The following APOLD1 variants were observed in gnomAD, a reference collection of about 807,000 sequenced individuals.
APOLD1 encodes apolipoprotein L domain containing 1.
In APOLD1, 22 loss-of-function variants were observed where a neutral mutation model predicts 15.3. The ratio of observed to expected loss-of-function variants is 1.44; its 90% confidence interval spans 1.03 to 2.05. APOLD1 has a LOEUF of 2.05. Among genes scored for constraint, APOLD1 ranks in the 30% most tolerant of loss-of-function variants. The probability of loss-of-function intolerance (pLI) is 0.00; values close to 1 mark genes in which losing one functional copy is unlikely to be tolerated. For synonymous variants in APOLD1, 190 were observed against 167.4 expected (o/e 1.13, Z -1.04); for missense variants, 394 against 353.5 (o/e 1.11, Z -0.92).
chr12:12,774,985 C>G (rs762893128), intron 1 of APOLD1, among the ~76,000 whole-genome samples: 41 of 152,268 alleles, frequency 2.7e-4, no homozygotes, highest in Non-Finnish European at 5.1e-4. Flanking sequence ...TATGTCCACA[C>G]AAAAAGCTAC....
chr12:12,728,665 CAAAAAAAAA>C (rs58877184), intron 1 of APOLD1, among the ~76,000 whole-genome samples: 1,407 of 62,814 alleles, frequency 0.022, 33 homozygotes, highest in African/African-American at 0.11. Flanking sequence ...GACCCTGTCT[CAAAAAAAAA>C]AAAAAAAAAA....
At chr12:12,785,588 G>A, upstream of APOLD1, 1 of 1,609,630 alleles carries the variant, frequency 6.2e-7, no homozygotes. Flanking sequence ...TTCTCAGAAT[G>A]AGACAAGGCT....
At chr12:12,762,780 G>T (rs755180742) in intron 1 of APOLD1, among the ~76,000 whole-genome samples, 14 of 152,220 alleles carry the variant, frequency 9.2e-5, no homozygotes, top group Non-Finnish European at 2.1e-4. Context: ...CCACTGGCCA[G>T]AGAGAAAGGA....
chr12:12,744,256 C>G (rs140362737), intron 1 of APOLD1, among the ~76,000 whole-genome samples: 83 of 149,218 alleles, frequency 5.6e-4, no homozygotes, highest in African/African-American at 2.0e-3. Flanking sequence ...CTGCAGTGAG[C>G]TATGATGGCA....
In APOLD1 at chr12:12,791,295, C is replaced by T. The variant is rs1164354097; in HGVS notation, c.*3643C>T. ...TCAGACATGTCAAGCAATCAGCCAA[C>T]GTGGTGTATTTCTCATTCAATATTT... On this transcript the variant is annotated 3_prime_UTR_variant, in exon 2 of 2. Transcript: ENST00000356591. 2.6e-5 allele frequency: 4 copies of T among 152,176 alleles called. No individual in the cohort carries two copies. The highest frequency in any genetic ancestry group is 4.4e-5 in the Non-Finnish European group (3 of 68,034). 9.4% of individuals were successfully genotyped at this position (152,176 alleles called of 1,614,324 possible).
intron 1 of APOLD1, among the ~76,000 whole-genome samples, chr12:12,769,687 G>A (rs1271285447): frequency 6.6e-6 from 1 of 152,178 alleles, no homozygotes; most frequent in Non-Finnish European, 1.5e-5. Context: ...CTTAACTGGA[G>A]CCTAACCTGC....
chr12:12,753,492 G>A (rs1314078511), intron 1 of APOLD1, among the ~76,000 whole-genome samples: 4 of 151,914 alleles, frequency 2.6e-5, no homozygotes, highest in South Asian at 2.1e-4. Context: ...GCGAGACTAC[G>A]TCACTACAAA....
chr12:12,787,403 T>C lies in APOLD1; in HGVS notation c.498T>C (p.Ser166=). The C allele has an allele frequency of 6.2e-7, 1 of 1,614,148 alleles. No homozygotes were observed. The highest frequency in any genetic ancestry group is 8.5e-7 in the Non-Finnish European group (1 of 1,179,970). The stretch of plus-strand genomic sequence containing the variant: ...ACGCCTCCATCGCCCTGTACAATTC[T>C]GTCTACTTCATCGTCTTCTTTGGCT... The part of the protein sequence containing the change: ...GRNASIALYN[S]VYFIVFFGSR... The change falls in exon 2 of 2, where the codon TCT becomes TCC. Residue 166 remains serine (S), a synonymous_variant. Transcript: ENST00000356591. This position sits in a 1 kb window ranked among gnomAD's most constrained non-coding sequence, Gnocchi z 4.9.
At chr12:12,748,201 G>A (rs951015190) in intron 1 of APOLD1, among the ~76,000 whole-genome samples, 1 of 152,204 alleles carries the variant, frequency 6.6e-6, no homozygotes, top group African/African-American at 2.4e-5. Context: ...TTAAACCATG[G>A]AGCAGCTGGG....
intron 1 of APOLD1, among the ~76,000 whole-genome samples, chr12:12,765,909 CAA>C (rs1302826509): frequency 6.6e-6 from 1 of 152,086 alleles, no homozygotes; most frequent in Admixed American, 6.6e-5. Context: ...ATGTCAAAGT[CAA>C]AGAGTAGATC....
rs767763409 is a variant in APOLD1, at chr12:12,787,668, C to T, written c.*16C>T. ...GTTTTTCTGAGAACATCCTTTCCCC[C>T]TAATGACCGAGGCCAGCAAATCATC... On this transcript the variant is annotated 3_prime_UTR_variant, in exon 2 of 2. Transcript: ENST00000356591. This position sits in a 1 kb window ranked among gnomAD's most constrained non-coding sequence, Gnocchi z 4.9. 162 of 1,563,782 alleles carry T rather than the reference C, an allele frequency of 1.0e-4. No homozygotes were observed. Among genetic ancestry groups the T allele is most frequent in the Non-Finnish European group, 1.3e-4 (155 of 1,159,178 alleles).
chr12:12,762,499 C>T lies in APOLD1; in HGVS notation c.97-24410C>T, dbSNP rs553261419. ...CCTCTCGAGGAGCTGGGATTATAGA[C>T]GCGCACCACCACACCCAGCTAATTT... On this transcript the variant is annotated intron_variant, in intron 1 of 1. Coordinates refer to the APOLD1 transcript ENST00000326765. Among the ~76,000 whole-genome samples the T allele has an allele frequency of 7.2e-5, 11 of 151,942 alleles. No individual in the cohort carries two copies. In the South Asian group the frequency reaches 1.0e-3, roughly 14 times the overall value.
chr12:12,787,250 G>C lies in APOLD1; in HGVS notation c.345G>C (p.Arg115=), dbSNP rs761654077. ...SDLSLIFCNS[R]ELRRVQEIAA... ...TCTCGCTGATCTTCTGCAACTCCCG[G>C]GAGCTGCGGAGGGTGCAGGAGATCG... Residue 115 remains arginine (R), a synonymous_variant, in exon 2 of 2, where the codon CGG becomes CGC. Coordinates refer to ENST00000356591, the MANE Select transcript of APOLD1 (RefSeq NM_030817.3). The surrounding 1 kb of genome is among the most constrained non-coding windows in gnomAD (Gnocchi z 4.9). The C allele has an allele frequency of 1.9e-6, 3 of 1,581,426 alleles. No homozygotes were observed. Among genetic ancestry groups the C allele is most frequent in the Non-Finnish European group, 2.6e-6 (3 of 1,166,972 alleles).
chr12:12,781,859 AG>A (rs959008873), upstream of APOLD1, among the ~76,000 whole-genome samples: 1 of 151,944 alleles, frequency 6.6e-6, no homozygotes, highest in African/African-American at 2.4e-5. Flanking sequence ...AGTTTTAAGT[AG>A]GGGCCTAAAG....
At chr12:12,786,590 C>T in intron 1 of APOLD1, 1 of 934,572 alleles carries the variant, frequency 1.1e-6, no homozygotes, top group Non-Finnish European at 1.3e-6. Flanking sequence ...TACCACGCCC[C>T]TCCCAGTTTA....
At chr12:12,773,293 T>C (rs1309383062) in intron 1 of APOLD1, among the ~76,000 whole-genome samples, 2 of 152,180 alleles carry the variant, frequency 1.3e-5, no homozygotes, top group Non-Finnish European at 2.9e-5. Flanking sequence ...AGTTATGGTG[T>C]CTCACACCTG....
chr12:12,750,735 A>T (rs942498482), intron 1 of APOLD1, among the ~76,000 whole-genome samples: 1 of 152,102 alleles, frequency 6.6e-6, no homozygotes, highest in Admixed American at 6.6e-5. Flanking sequence ...AGTAATAGAA[A>T]AATGGAGTTA....
intron 1 of APOLD1, among the ~76,000 whole-genome samples, chr12:12,763,894 G>T (rs540256406): frequency 6.6e-6 from 1 of 152,018 alleles, no homozygotes; most frequent in Non-Finnish European, 1.5e-5. Flanking sequence ...ATATGAGATT[G>T]GTAGAATCAT....
At chr12:12,736,464 C>T (rs773940905) in intron 1 of APOLD1, among the ~76,000 whole-genome samples, 2 of 149,488 alleles carry the variant, frequency 1.3e-5, no homozygotes, top group Non-Finnish European at 3.0e-5. Flanking sequence ...GAGGTCAAGG[C>T]TATAGTGAGC....
Sources: gnomAD v4.1 joint callset for allele counts (sites outside exome capture counted in the v4.1 genomes callset) on GRCh38, gnomAD v4.1.1 for gene constraint, Gnocchi (gnomAD v3.1) non-coding constraint, MANE v1.5 for transcripts, NCBI Gene and HGNC (gene_info 2026-07-23, HGNC 2026-07-21) for gene names.